The following ABCA1 variants were observed in gnomAD, a reference collection of about 807,000 sequenced individuals.
ABCA1 encodes phospholipid-transporting ATPase ABCA1.
Under a neutral mutation model 262.5 loss-of-function variants are expected in ABCA1, and 133 were observed. That is an observed-to-expected ratio of 0.51 (90% confidence interval 0.44 to 0.59). The LOEUF (loss-of-function observed/expected upper bound fraction) is 0.59. Among genes scored for constraint, ABCA1 ranks in the 20% least tolerant of loss-of-function variants. The pLI is 0.00. For synonymous variants in ABCA1, 1,022 were observed against 1,043.5 expected (o/e 0.98, Z 0.40); for missense variants, 2,452 against 2,777.5 (o/e 0.88, Z 2.63).
chr9:104,832,863 CGTT>C (rs1169055356), intron 11 of ABCA1, 92 bp from the exon 12 acceptor site: 2 of 1,216,108 alleles, frequency 1.6e-6, no homozygotes, highest in Non-Finnish European at 1.2e-6. Flanking sequence ...TATACACTGT[CGTT>C]GTTTTATCCT....
chr9:104,810,040 G>A lies in ABCA1; in HGVS notation c.4176-476C>T, dbSNP rs139865097. ...AACACATGCTATGTTCCACAACTAC[G>A]GGCAATACAGGGTCAGCAGCCGGAA... On this transcript the variant is annotated intron_variant, in intron 29 of 49. Transcript: ENST00000374736. 2.6e-4 allele frequency among the ~76,000 whole-genome samples: 39 copies of A among 151,070 alleles called. No homozygotes were observed. In the East Asian group the frequency reaches 6.6e-3, roughly 26 times the overall value.
At chr9:104,889,268 A>G in intron 2 of ABCA1, 73 bp from the exon 3 acceptor site, 1 of 1,553,888 alleles carries the variant, frequency 6.4e-7, no homozygotes, top group Non-Finnish European at 8.8e-7. Context: ...GGGATCTGGG[A>G]AATCCACAGA....
At chr9:104,860,307 T>G (rs568628502) in intron 6 of ABCA1, among the ~76,000 whole-genome samples, 4 of 152,154 alleles carry the variant, frequency 2.6e-5, no homozygotes, top group Admixed American at 6.5e-5. Flanking sequence ...AGATATGAAA[T>G]TGGCAGGGGG....
intron 1 of ABCA1, among the ~76,000 whole-genome samples, chr9:104,907,762 G>A (rs1312371376): frequency 6.6e-6 from 1 of 152,178 alleles, no homozygotes; most frequent in East Asian, 1.9e-4. Context: ...CTAAGGACTG[G>A]GCAGCCTCCC....
intron 12 of ABCA1, among the ~76,000 whole-genome samples, chr9:104,832,226 G>A (rs1021611365): frequency 3.9e-5 from 6 of 152,048 alleles, no homozygotes; most frequent in Admixed American, 2.0e-4. Flanking sequence ...ACCCGAATTC[G>A]ATTTTAGATA....
At chr9:104,885,498 T>C (rs1446159103) in intron 3 of ABCA1, among the ~76,000 whole-genome samples, 1 of 152,210 alleles carries the variant, frequency 6.6e-6, no homozygotes, top group Non-Finnish European at 1.5e-5. Flanking sequence ...GCTTGGGGTC[T>C]GATGTCATCT....
intron 11 of ABCA1, among the ~76,000 whole-genome samples, chr9:104,834,940 T>C (rs1299011668): frequency 6.6e-6 from 1 of 152,008 alleles, no homozygotes; most frequent in Non-Finnish European, 1.5e-5. Flanking sequence ...TGGAATTAAA[T>C]AAACACTCTT....
intron 44 of ABCA1, among the ~76,000 whole-genome samples, chr9:104,789,777 C>T (rs1829250347): frequency 6.9e-6 from 1 of 144,264 alleles, no homozygotes; most frequent in Non-Finnish European, 1.5e-5. Context: ...AAAGCCACTG[C>T]CTTGTACTAT....
chr9:104,786,818 C>T, intron 47 of ABCA1, 55 bp downstream of exon 47: 1 of 1,450,366 alleles, frequency 6.9e-7, no homozygotes, highest in Non-Finnish European at 9.7e-7. Flanking sequence ...ATCGCATATT[C>T]TACTTGGAAA....
intron 28 of ABCA1, among the ~76,000 whole-genome samples, chr9:104,812,300 C>T (rs1308548961): frequency 6.6e-6 from 1 of 152,086 alleles, no homozygotes; most frequent in African/African-American, 2.4e-5. Flanking sequence ...AATGTCAGGC[C>T]CCATTCTAAG....
At chr9:104,791,796 G>C in intron 43 of ABCA1, 140 bp downstream of exon 43, 1 of 771,142 alleles carries the variant, frequency 1.3e-6, no homozygotes, top group Non-Finnish European at 2.2e-6. Flanking sequence ...CTCTCTTCTC[G>C]ATGACTAATT....
intron 2 of ABCA1, among the ~76,000 whole-genome samples, chr9:104,892,966 A>G (rs1839880511): frequency 6.6e-6 from 1 of 152,274 alleles, no homozygotes; most frequent in Non-Finnish European, 1.5e-5. Context: ...AATAATGTTT[A>G]TGAAACACAG....
chr9:104,886,858 G>T (rs941077824), intron 3 of ABCA1, among the ~76,000 whole-genome samples: 1 of 152,200 alleles, frequency 6.6e-6, no homozygotes, highest in Non-Finnish European at 1.5e-5. Context: ...GATTTACAGA[G>T]AATTTCAAAC....
intron 5 of ABCA1, among the ~76,000 whole-genome samples, chr9:104,866,544 G>C (rs1432130029): frequency 6.6e-6 from 1 of 151,272 alleles, no homozygotes; most frequent in East Asian, 1.9e-4. Flanking sequence ...GAAGTGGCCC[G>C]CTCTTGGCTC....
intron 5 of ABCA1, among the ~76,000 whole-genome samples, chr9:104,870,835 G>A (rs2482423): frequency 0.032 from 4,946 of 152,202 alleles, 143 homozygotes; most frequent in South Asian, 0.11. Context: ...ACAGTCAAAG[G>A]GGGTTGTTCT....
rs144845639 is a variant in ABCA1, at chr9:104,828,997, G to A, written c.2034C>T (p.Asn678=). The A allele has an allele frequency of 1.9e-6, 3 of 1,614,078 alleles. No homozygotes were observed. The highest frequency in any genetic ancestry group is 2.7e-5 in the African/African-American group (2 of 74,922). The change falls in exon 15 of 50, where the codon AAC becomes AAT. Residue 678 remains asparagine, a synonymous_variant. Transcript: ENST00000374736. The part of the protein sequence containing the change: ...KETMRIMGLD[N]SILWFSWFIS... ...TGAACCAGCTAAACCAGAGGATGCTGTTGTCCAGGCCCATGATCCGCATGG... is the reference window on the plus strand; with the variant it reads ...TGAACCAGCTAAACCAGAGGATGCTATTGTCCAGGCCCATGATCCGCATGG...
intron 7 of ABCA1, among the ~76,000 whole-genome samples, chr9:104,848,616 GA>G (rs148335343): frequency 0.17 from 22,122 of 128,252 alleles, 1,855 homozygotes; most frequent in East Asian, 0.36. Context: ...CTCGGTCTCA[GA>G]AAAAAAAAAA....
In ABCA1 at chr9:104,884,654, T is replaced by C. The variant is rs1054009184; in HGVS notation, c.161-86A>G. On this transcript the variant is annotated intron_variant, in intron 3 of 49. Coordinates refer to ENST00000374736, the MANE Select transcript of ABCA1 (RefSeq NM_005502.4). ...GAGGCTCCATTTATACAATGCTTCATGCCAAGTCTGTCCGTCCCATTCCCC... is the reference window on the plus strand; with the variant it reads ...GAGGCTCCATTTATACAATGCTTCACGCCAAGTCTGTCCGTCCCATTCCCC... The C allele has an allele frequency of 1.4e-5, 21 of 1,490,336 alleles. No individual in the cohort carries two copies. In the Admixed American group the frequency reaches 3.4e-4, roughly 24 times the overall value. 92.3% of individuals were successfully genotyped at this position (1,490,336 alleles called of 1,614,324 possible).
At chr9:104,821,293 G>T in intron 20 of ABCA1, 82 bp downstream of exon 20, 1 of 1,558,596 alleles carries the variant, frequency 6.4e-7, no homozygotes, top group Non-Finnish European at 8.7e-7. Flanking sequence ...AAAGTAAAAT[G>T]CTTAAGTCCC....
Sources: gnomAD v4.1 joint callset for allele counts (sites outside exome capture counted in the v4.1 genomes callset) on GRCh38, gnomAD v4.1.1 for gene constraint, MANE v1.5 for transcripts, NCBI Gene and HGNC (gene_info 2026-07-23, HGNC 2026-07-21) for gene names.